Variants in HPGDS observed in about 807,000 individuals in gnomAD.
The protein encoded by HPGDS is hematopoietic prostaglandin D synthase.
In HPGDS, 26 loss-of-function variants were observed where a neutral mutation model predicts 23.1. The observed-to-expected ratio is 1.13, with a 90% CI of 0.83 to 1.56. The LOEUF (loss-of-function observed/expected upper bound fraction) is 1.56. Among genes scored for constraint, HPGDS ranks in the 40% most tolerant of loss-of-function variants. The pLI is 0.00. For missense variants in HPGDS, 268 were observed against 236.4 expected (o/e 1.13, Z -0.88); for synonymous variants, 95 against 77.9 (o/e 1.22, Z -1.16).
Position 94,308,689 on chromosome 4 carries a change from G to A in HPGDS, c.281C>T (p.Thr94Ile). The A allele has an allele frequency of 6.2e-7, 1 of 1,609,936 alleles. No homozygotes were observed. The highest frequency in any genetic ancestry group is 8.5e-7 in the Non-Finnish European group (1 of 1,177,264). ...EQCHVDAIVD[T>I]LDDFMSCFPW... ...AAAACATGACATGAAATCATCCAGA[G>A]TGTCCACAATAGCATCAACATGACA... The change falls in exon 4 of 6, where the codon ACT (threonine) becomes ATT (isoleucine). Residue 94 changes from threonine to isoleucine, a missense_variant. Physicochemically the swap from Thr to Ile is moderately conservative, Grantham distance 89. Coordinates refer to ENST00000295256, the MANE Select transcript of HPGDS (RefSeq NM_014485.3).
At chr4:94,335,460 A>G (rs920590422) in intron 1 of HPGDS, among the ~76,000 whole-genome samples, 5 of 152,210 alleles carry the variant, frequency 3.3e-5, no homozygotes, top group African/African-American at 1.2e-4. Context: ...CTCGTAGTGG[A>G]ATATATTTTA....
intron 3 of HPGDS, among the ~76,000 whole-genome samples, 196 bp downstream of exon 3, chr4:94,317,672 TATAAA>T (rs1321906521): frequency 2.6e-5 from 4 of 152,336 alleles, no homozygotes; most frequent in African/African-American, 9.6e-5. Context: ...CAGGAGGCGA[TATAAA>T]ATAAAATTGT....
At chr4:94,318,927 G>A (rs982542815) in intron 2 of HPGDS, among the ~76,000 whole-genome samples, 7 of 152,214 alleles carry the variant, frequency 4.6e-5, no homozygotes, top group South Asian at 4.1e-4. Context: ...TGGCCAGGCC[G>A]GTCTTGAATT....
chr4:94,323,257 G>T (rs555467051), intron 2 of HPGDS, among the ~76,000 whole-genome samples: 1 of 152,326 alleles, frequency 6.6e-6, no homozygotes, highest in East Asian at 1.9e-4. Flanking sequence ...GGGGTGGAGA[G>T]TTCTGTAGTT....
At chr4:94,321,891 G>A (rs948103535) in intron 2 of HPGDS, among the ~76,000 whole-genome samples, 1 of 152,134 alleles carries the variant, frequency 6.6e-6, no homozygotes, top group Non-Finnish European at 1.5e-5. Context: ...TATGATATTG[G>A]CTGTGGGTTT....
rs376813884 is a variant in HPGDS, at chr4:94,299,447, G to T, written c.*33C>A. On this transcript the variant is annotated 3_prime_UTR_variant, in exon 6 of 6. Coordinates refer to ENST00000295256, the MANE Select transcript of HPGDS (RefSeq NM_014485.3). The stretch of plus-strand genomic sequence containing the variant: ...CTTATCTGATGAGAGAGATGCCCCC[G>T]AGAAAAACAAACTTGAAGGCAACAT... 128 of 1,572,900 alleles carry T rather than the reference G, an allele frequency of 8.1e-5. No homozygotes were observed. The highest frequency in any genetic ancestry group is 9.1e-5 in the Non-Finnish European group (105 of 1,156,016).
rs902673108 is a variant in HPGDS, at chr4:94,315,322, G to C, written c.226+2551C>G. Among the ~76,000 whole-genome samples the C allele has an allele frequency of 3.3e-5, 5 of 152,084 alleles. No homozygotes were observed. In the East Asian group the frequency reaches 9.6e-4, roughly 29 times the overall value. On this transcript the variant is annotated intron_variant, in intron 3 of 5. Coordinates refer to ENST00000295256, the MANE Select transcript of HPGDS (RefSeq NM_014485.3). ...TTATTTAACTAGCCTCAACTGATTA[G>C]GTTTATTTCCAGTCTTTTGTTAATA...
In HPGDS at chr4:94,308,758, G is replaced by C. The variant is rs376310761; in HGVS notation, c.227-15C>G. On this transcript the variant is annotated splice_polypyrimidine_tract_variant and intron_variant, in intron 3 of 5. Coordinates refer to ENST00000295256, the MANE Select transcript of HPGDS (RefSeq NM_014485.3). The stretch of plus-strand genomic sequence containing the variant: ...TCCAGCCAAATCTGTGGAATAGAGA[G>C]AGGCCCATCAATATGTTTAATTTAC... 6 of 1,338,482 alleles carry C rather than the reference G, an allele frequency of 4.5e-6. No individual in the cohort carries two copies. Among genetic ancestry groups the C allele is most frequent in the East Asian group, 2.3e-5 (1 of 43,134 alleles). 82.9% of individuals were successfully genotyped at this position (1,338,482 alleles called of 1,614,324 possible). A position where few individuals can be genotyped will look rare whatever the true frequency, so the allele number is the denominator to read the frequency against.
intron 2 of HPGDS, among the ~76,000 whole-genome samples, chr4:94,330,097 T>C (rs1024127152): frequency 1.3e-5 from 2 of 152,232 alleles, no homozygotes; most frequent in Non-Finnish European, 2.9e-5. Flanking sequence ...GTTTGGAGGA[T>C]ACCTACGTGA....
chr4:94,340,311 C>CTTTTTCTTTTTTTTTT (rs1560598005), intron 1 of HPGDS, among the ~76,000 whole-genome samples: 4 of 23,678 alleles, frequency 1.7e-4, no homozygotes, highest in African/African-American at 5.8e-4. Context: ...CTTTCTTTCT[C>CTTTTTCTTTTTTTTTT]TTTTTTTTTT....
intron 2 of HPGDS, among the ~76,000 whole-genome samples, chr4:94,325,316 C>A (rs1204358446): frequency 6.6e-6 from 1 of 152,226 alleles, no homozygotes; most frequent in Non-Finnish European, 1.5e-5. Context: ...CTCTTCAGAG[C>A]TGTCAGACAG....
chr4:94,339,705 T>G (rs1222199766), intron 1 of HPGDS, among the ~76,000 whole-genome samples: 1 of 152,162 alleles, frequency 6.6e-6, no homozygotes, highest in Non-Finnish European at 1.5e-5. Flanking sequence ...GTAGCTTTTT[T>G]TTACTTTATA....
At chr4:94,309,569 G>A (rs576303171) in intron 3 of HPGDS, among the ~76,000 whole-genome samples, 2 of 152,178 alleles carry the variant, frequency 1.3e-5, no homozygotes, top group East Asian at 3.9e-4. Context: ...TTGCTATTGT[G>A]AATAGTGCTG....
In HPGDS at chr4:94,315,424, A is replaced by T. The variant is rs539050557; in HGVS notation, c.226+2449T>A. 1.2e-4 allele frequency among the ~76,000 whole-genome samples: 18 copies of T among 152,308 alleles called. No individual in the cohort carries two copies. The East Asian group carries it at 3.5e-3, about 29-fold the overall frequency. ...TCAAGAATTATTTTTATTTTTGCAG[A>T]CAGTTTTTGTCAGGAGCATTTGTTT... On this transcript the variant is annotated intron_variant, in intron 3 of 5. Transcript: ENST00000295256.
chr4:94,317,366 G>A (rs1168229351), intron 3 of HPGDS, among the ~76,000 whole-genome samples: 1 of 152,130 alleles, frequency 6.6e-6, no homozygotes, highest in African/African-American at 2.4e-5. Flanking sequence ...GGGCACTAAT[G>A]CAACAATCCG....
intron 1 of HPGDS, among the ~76,000 whole-genome samples, chr4:94,335,078 G>C (rs1010609213): frequency 1.2e-4 from 19 of 152,222 alleles, no homozygotes; most frequent in African/African-American, 4.1e-4. Flanking sequence ...GGTAAGGACA[G>C]CCAAGGGCTG....
chr4:94,322,401 T>C (rs1157853584), intron 2 of HPGDS, among the ~76,000 whole-genome samples: 1 of 152,192 alleles, frequency 6.6e-6, no homozygotes, highest in Non-Finnish European at 1.5e-5. Flanking sequence ...CTGGACTTTT[T>C]TTGGTTGGTA....
At chr4:94,324,093 T>G (rs1199852467) in intron 2 of HPGDS, among the ~76,000 whole-genome samples, 1 of 152,216 alleles carries the variant, frequency 6.6e-6, no homozygotes, top group African/African-American at 2.4e-5. Context: ...TGGCCCCCAC[T>G]CTCTTCTGGC....
At chr4:94,340,311 C>CTTTCTTTTTCTTTTT in intron 1 of HPGDS, among the ~76,000 whole-genome samples, 4 of 23,678 alleles carry the variant, frequency 1.7e-4, no homozygotes, top group African/African-American at 5.8e-4. Flanking sequence ...CTTTCTTTCT[C>CTTTCTTTTTCTTTTT]TTTTTTTTTT....
Sources: allele counts gnomAD v4.1 joint callset (sites outside exome capture counted in the v4.1 genomes callset), GRCh38; gene constraint gnomAD v4.1.1; transcripts MANE v1.5; gene names NCBI Gene and HGNC (gene_info 2026-07-23, HGNC 2026-07-21).